TAFA2: variants seen among roughly 807,000 people sequenced by gnomAD.
TAFA2 encodes chemokine-like protein TAFA-2.
TAFA2 carries 7 observed loss-of-function variants against 18.8 expected under a neutral mutation model. That is an observed-to-expected ratio of 0.37 (90% CI 0.21 to 0.70). The LOEUF is 0.70. Ranked by LOEUF, TAFA2 falls within the 30% of genes least tolerant of loss-of-function variation. The pLI is 0.53. For synonymous variants in TAFA2, 60 were observed against 54.2 expected (o/e 1.11, Z -0.47); for missense variants, 122 against 158.1 (o/e 0.77, Z 1.23).
At chr12:62,149,952 T>C (rs1000298827) in intron 1 of TAFA2, among the ~76,000 whole-genome samples, 1 of 152,212 alleles carries the variant, frequency 6.6e-6, no homozygotes, top group Admixed American at 6.5e-5. Flanking sequence ...TCCTTAAAGC[T>C]AAGGGACAGA....
intron 1 of TAFA2, among the ~76,000 whole-genome samples, chr12:61,937,062 C>A (rs1309399847): frequency 6.6e-6 from 1 of 152,014 alleles, no homozygotes; most frequent in Non-Finnish European, 1.5e-5. Context: ...TTTACCATAG[C>A]TGCAAATAAA....
chr12:61,721,812 CTG>C (rs759734989), intron 4 of TAFA2, among the ~76,000 whole-genome samples: 2 of 152,018 alleles, frequency 1.3e-5, no homozygotes, highest in Non-Finnish European at 2.9e-5. Flanking sequence ...AAAAAATTAG[CTG>C]GGGGTGGTGG....
intron 1 of TAFA2, among the ~76,000 whole-genome samples, chr12:62,033,581 C>T (rs1430037723): frequency 2.0e-5 from 3 of 152,032 alleles, no homozygotes; most frequent in Non-Finnish European, 1.5e-5. Flanking sequence ...ATTGCTAGTC[C>T]AAGATCAAAT....
At chr12:62,177,252 T>G (rs1170817363) in intron 1 of TAFA2, among the ~76,000 whole-genome samples, 2 of 152,224 alleles carry the variant, frequency 1.3e-5, no homozygotes, top group African/African-American at 4.8e-5. Context: ...TACAGAACTC[T>G]GGGCATGCTC....
intron 1 of TAFA2, among the ~76,000 whole-genome samples, chr12:62,095,567 C>T (rs1472291220): frequency 6.6e-6 from 1 of 152,016 alleles, no homozygotes; most frequent in Non-Finnish European, 1.5e-5. Flanking sequence ...TTTAGTAAGG[C>T]AGACTCCGTG....
At chr12:61,877,195 G>T (rs1240840699) in intron 1 of TAFA2, among the ~76,000 whole-genome samples, 1 of 152,140 alleles carries the variant, frequency 6.6e-6, no homozygotes, top group Non-Finnish European at 1.5e-5. Flanking sequence ...TTTCTGACTT[G>T]CTCTTTTTGC....
chr12:61,817,585 A>C (rs1005902430), intron 2 of TAFA2, among the ~76,000 whole-genome samples: 5 of 152,118 alleles, frequency 3.3e-5, no homozygotes. Flanking sequence ...GGTTATCTTA[A>C]AGTTAGTGTT....
At chr12:61,738,780 TAA>T (rs998802843) in intron 4 of TAFA2, among the ~76,000 whole-genome samples, 5 of 152,210 alleles carry the variant, frequency 3.3e-5, no homozygotes, top group Admixed American at 3.3e-4. Context: ...GTGGCTATTC[TAA>T]AAGAGACAGA....
intron 1 of TAFA2, among the ~76,000 whole-genome samples, chr12:62,147,088 G>C (rs1465110034): frequency 6.6e-6 from 1 of 151,200 alleles, no homozygotes. Flanking sequence ...ATTCAATAAA[G>C]AGTGTTAGGA....
At chr12:61,821,940 C>A (rs980608467) in intron 2 of TAFA2, among the ~76,000 whole-genome samples, 2 of 151,798 alleles carry the variant, frequency 1.3e-5, no homozygotes, top group Non-Finnish European at 2.9e-5. Context: ...AATAATTAGC[C>A]CCACTTTTTA....
At chr12:61,975,716 C>A (rs1401734643) in intron 1 of TAFA2, among the ~76,000 whole-genome samples, 1 of 151,714 alleles carries the variant, frequency 6.6e-6, no homozygotes, top group East Asian at 1.9e-4. Flanking sequence ...CAACAGGGAC[C>A]CATCTGATGA....
At chr12:61,888,718 C>T (rs1465137463) in intron 1 of TAFA2, among the ~76,000 whole-genome samples, 1 of 152,008 alleles carries the variant, frequency 6.6e-6, no homozygotes, top group Non-Finnish European at 1.5e-5. Flanking sequence ...AGGTAGGAGG[C>T]AAAAAGGTGT....
intron 1 of TAFA2, among the ~76,000 whole-genome samples, chr12:62,125,938 T>C (rs1362820402): frequency 3.3e-5 from 5 of 152,150 alleles, no homozygotes. Context: ...AACTCAGTGC[T>C]TGGCATATAA....
intron 1 of TAFA2, among the ~76,000 whole-genome samples, chr12:62,081,731 C>T (rs1259251440): frequency 6.6e-6 from 1 of 151,966 alleles, no homozygotes; most frequent in African/African-American, 2.4e-5. Flanking sequence ...ATGATCCGCC[C>T]GCCTCAGCCT....
intron 1 of TAFA2, among the ~76,000 whole-genome samples, chr12:62,123,340 C>A (rs1870295811): frequency 6.6e-6 from 1 of 151,896 alleles, no homozygotes; most frequent in Non-Finnish European, 1.5e-5. Flanking sequence ...GAGTTGCTAT[C>A]TCAGATGTAG....
intron 1 of TAFA2, among the ~76,000 whole-genome samples, chr12:61,881,453 G>T (rs146107641): frequency 1.6e-4 from 25 of 152,250 alleles, no homozygotes; most frequent in Non-Finnish European, 2.8e-4. Context: ...CATAGAAAAG[G>T]TGCAGTAAAA....
intron 1 of TAFA2, among the ~76,000 whole-genome samples, chr12:62,208,976 CTCTT>C (rs1203196545): frequency 2.0e-5 from 3 of 152,128 alleles, no homozygotes; most frequent in Non-Finnish European, 4.4e-5. Flanking sequence ...TCTTCTAATC[CTCTT>C]TCTTTCTGCC....
chr12:62,138,156 G>A (rs79748872), intron 1 of TAFA2, among the ~76,000 whole-genome samples: 3,169 of 152,122 alleles, frequency 0.021, 118 homozygotes, highest in African/African-American at 0.071. Flanking sequence ...GGTGGCACCC[G>A]CCTGTTGTCC....
At chr12:61,978,587 G>T (rs890340212) in intron 1 of TAFA2, among the ~76,000 whole-genome samples, 2 of 151,988 alleles carry the variant, frequency 1.3e-5, no homozygotes, top group African/African-American at 4.8e-5. Flanking sequence ...ATTAGAACTG[G>T]ATTTCCTCTT....
Sources: gnomAD v4.1 joint callset for allele counts (sites outside exome capture counted in the v4.1 genomes callset) on GRCh38, gnomAD v4.1.1 for gene constraint, MANE v1.5 for transcripts, NCBI Gene and HGNC (gene_info 2026-07-23, HGNC 2026-07-21) for gene names.